Variants in FBXL13 observed in about 807,000 individuals in gnomAD.
FBXL13 encodes the protein F-box and leucine-rich repeat protein 13.
In FBXL13, 67 loss-of-function variants were observed where a neutral mutation model predicts 83.6. The observed-to-expected ratio is 0.80, with a 90% CI of 0.66 to 0.98. The LOEUF is 0.98. FBXL13 is among the 50% of genes least tolerant of loss of function. FBXL13 has a pLI of 0.00. For synonymous variants in FBXL13, 272 were observed against 299.5 expected (o/e 0.91, Z 0.95); for missense variants, 822 against 866.5 (o/e 0.95, Z 0.64).
At chr7:102,892,428 G>A (rs1811649120) in intron 11 of FBXL13, among the ~76,000 whole-genome samples, 1 of 151,948 alleles carries the variant, frequency 6.6e-6, no homozygotes, top group South Asian at 2.1e-4. Flanking sequence ...ATTTATATAA[G>A]TCCGATTTAC....
chr7:102,861,044 G>A (rs1429120942), intron 16 of FBXL13, among the ~76,000 whole-genome samples: 1 of 151,534 alleles, frequency 6.6e-6, no homozygotes, highest in East Asian at 1.9e-4. Context: ...TGAACTACTT[G>A]AAAATAAGTT....
At chr7:103,018,375 A>C (rs538648606) in intron 6 of FBXL13, among the ~76,000 whole-genome samples, 1 of 152,342 alleles carries the variant, frequency 6.6e-6, no homozygotes, top group Non-Finnish European at 1.5e-5. Context: ...AAAACATGCC[A>C]AATTGGAAAA....
rs200661242 is a variant in FBXL13 at position 102,867,668 on chromosome 7, C to CATATATATAT, written c.1635+9789_1635+9798dup. The stretch of plus-strand genomic sequence containing the variant: ...TGAGCCAGGGAGTGATAGACTTAGA[C>CATATATATAT]ATATATATATATATATATATATATA... On this transcript the variant is annotated intron_variant, in intron 16 of 19. Coordinates refer to ENST00000313221, the Ensembl canonical transcript of FBXL13. 6.6e-4 allele frequency among the ~76,000 whole-genome samples: 48 copies of CATATATATAT among 72,632 alleles called. 1 individual carries two copies. The highest frequency in any genetic ancestry group is 2.8e-3 in the African/African-American group (31 of 11,034). 47.6% of individuals were successfully genotyped at this position (72,632 alleles called of 152,430 possible).
Position 102,982,686 on chromosome 7 carries a change from TG to T in FBXL13, c.496-14570del, listed in dbSNP as rs531989191. ...GCACAAGCTCTCTTGCCTGCCACCA[TG>T]TAAGATGTCCCTTTGCTATTCTTTC... On this transcript the variant is annotated intron_variant, in intron 6 of 19. Coordinates refer to ENST00000313221, the Ensembl canonical transcript of FBXL13. Among the ~76,000 whole-genome samples the T allele has an allele frequency of 4.1e-3, 630 of 152,312 alleles. 7 individuals are homozygous for T. Among genetic ancestry groups the T allele is most frequent in the African/African-American group, 0.014 (602 of 41,554 alleles).
At chr7:102,931,847 A>G (rs773217029) in intron 9 of FBXL13, 34 bp downstream of exon 10, 1 of 1,603,132 alleles carries the variant, frequency 6.2e-7, no homozygotes, top group Non-Finnish European at 8.5e-7. Flanking sequence ...GTCAATCTAT[A>G]TAAACAGCAG....
chr7:102,951,253 G>A (rs1267709554), intron 8 of FBXL13, among the ~76,000 whole-genome samples: 2 of 151,830 alleles, frequency 1.3e-5, no homozygotes, highest in Non-Finnish European at 2.9e-5. Context: ...GATCACCTGA[G>A]GTTAGGAGAT....
At chr7:102,925,921 A>G (rs2129471929) in intron 10 of FBXL13, among the ~76,000 whole-genome samples, 1 of 144,132 alleles carries the variant, frequency 6.9e-6, no homozygotes, top group East Asian at 2.1e-4. Flanking sequence ...AGCCTGGGCG[A>G]CAGAGCAAGA....
intron 17 of FBXL13, among the ~76,000 whole-genome samples, chr7:102,834,058 AAGGAAGGAAGGAAGGAAGG>A (rs1235106763): frequency 8.7e-6 from 1 of 114,646 alleles, no homozygotes; most frequent in Admixed American, 8.6e-5. Flanking sequence ...GGAAGGAAGG[AAGGAAGGAAGGAAGGAAGG>A]AAGGAAAGAA....
chr7:102,990,566 C>T (rs1008755173), intron 6 of FBXL13, among the ~76,000 whole-genome samples: 2 of 151,984 alleles, frequency 1.3e-5, no homozygotes, highest in Non-Finnish European at 2.9e-5. Context: ...ACATATAGTC[C>T]AAGAAGAAAA....
At chr7:103,049,175 C>A (rs1796568854) in intron 2 of FBXL13, among the ~76,000 whole-genome samples, 1 of 152,182 alleles carries the variant, frequency 6.6e-6, no homozygotes, top group African/African-American at 2.4e-5. Context: ...TTATAACCTT[C>A]TTTTCATAGC....
chr7:102,960,794 C>A (rs1024094139), intron 8 of FBXL13, among the ~76,000 whole-genome samples: 5 of 151,682 alleles, frequency 3.3e-5, no homozygotes, highest in African/African-American at 1.2e-4. Flanking sequence ...ACCTTTCATG[C>A]TAAAAACTCT....
intron 8 of FBXL13, among the ~76,000 whole-genome samples, chr7:102,936,637 C>T (rs766325980): frequency 1.3e-5 from 2 of 152,186 alleles, no homozygotes; most frequent in Non-Finnish European, 2.9e-5. Flanking sequence ...TACAAAGCTA[C>T]TCTCCTAGAT....
intron 9 of FBXL13, among the ~76,000 whole-genome samples, chr7:102,928,325 G>T (rs767755230): frequency 4.4e-4 from 67 of 152,138 alleles, no homozygotes; most frequent in Non-Finnish European, 7.8e-4. Context: ...CAAAAACTGA[G>T]TACCTACATT....
chr7:102,908,615 G>A (rs180818370), intron 11 of FBXL13, among the ~76,000 whole-genome samples: 3 of 152,298 alleles, frequency 2.0e-5, no homozygotes, highest in Admixed American at 2.0e-4. Flanking sequence ...CTGCTTTAGG[G>A]GGCACCCCAA....
intron 1 of FBXL13, among the ~76,000 whole-genome samples, chr7:103,056,945 A>G (rs1236251847): frequency 6.6e-6 from 1 of 151,754 alleles, no homozygotes; most frequent in African/African-American, 2.4e-5. Context: ...TTTGTTGGCC[A>G]TCTGTATATC....
chr7:102,992,865 CA>C (rs1286721068), intron 6 of FBXL13, among the ~76,000 whole-genome samples: 1 of 152,184 alleles, frequency 6.6e-6, no homozygotes, highest in Non-Finnish European at 1.5e-5. Flanking sequence ...CCTGTGCCTC[CA>C]AAAGTGCTGG....
intron 7 of FBXL13, among the ~76,000 whole-genome samples, chr7:102,967,280 T>G (rs1257409991): frequency 1.1e-5 from 1 of 92,498 alleles, no homozygotes; most frequent in Non-Finnish European, 2.5e-5. Flanking sequence ...CTTTTTTTTT[T>G]TTTTTTGAAT....
rs145585941 is a variant in FBXL13 at position 103,055,095 on chromosome 7, T to C, written c.-1+549A>G. The C allele has an allele frequency of 1.2e-3, 1,512 of 1,282,728 alleles. 13 individuals are homozygous for C. The African/African-American group carries it at 0.02, about 17-fold the overall frequency. 79.5% of individuals were successfully genotyped at this position (1,282,728 alleles called of 1,614,324 possible). On this transcript the variant is annotated intron_variant, in intron 2 of 19. Transcript: ENST00000313221. ...TTGATTACTAATAATTACCAGCTGATCATCCAATTCAAAAAGTTGTTCCAG... is the reference window on the plus strand; with the variant it reads ...TTGATTACTAATAATTACCAGCTGACCATCCAATTCAAAAAGTTGTTCCAG...
At chr7:103,004,074 T>C (rs770490566) in intron 6 of FBXL13, among the ~76,000 whole-genome samples, 1 of 152,362 alleles carries the variant, frequency 6.6e-6, no homozygotes, top group Middle Eastern at 3.4e-3. Context: ...CTTTGTCTGT[T>C]TGGGAAGATC....
Sources: gnomAD v4.1 joint callset for allele counts (sites outside exome capture counted in the v4.1 genomes callset) on GRCh38, gnomAD v4.1.1 for gene constraint, MANE v1.5 for transcripts, NCBI Gene and HGNC (gene_info 2026-07-23, HGNC 2026-07-21) for gene names.